Variants in CCPG1 observed in about 807,000 individuals in gnomAD.
CCPG1 encodes cell cycle progression protein 1.
CCPG1 carries 46 observed loss-of-function variants against 81.3 expected under a neutral mutation model. That is an observed-to-expected ratio of 0.57 (90% confidence interval 0.45 to 0.72). The LOEUF (loss-of-function observed/expected upper bound fraction) is 0.72. Ranked by LOEUF, CCPG1 falls within the 30% of genes least tolerant of loss-of-function variation. CCPG1 has a pLI of 0.00. For synonymous variants in CCPG1, 330 were observed against 305.2 expected (o/e 1.08, Z -0.85); for missense variants, 902 against 937.6 (o/e 0.96, Z 0.50).
At chr15:55,361,333 A>C (rs184650099) in intron 7 of CCPG1, among the ~76,000 whole-genome samples, 197 of 152,058 alleles carry the variant, frequency 1.3e-3, no homozygotes, top group African/African-American at 4.5e-3. Context: ...GGCTGGAAGA[A>C]TTTAAAAGAC....
At chr15:55,366,468 T>C (rs2141256011) in intron 6 of CCPG1, among the ~76,000 whole-genome samples, 1 of 152,254 alleles carries the variant, frequency 6.6e-6, no homozygotes. Context: ...ACTGTCCTTA[T>C]CCCAACAGTG....
At chr15:55,374,870 G>C (rs1306296254) in intron 5 of CCPG1, among the ~76,000 whole-genome samples, 2 of 152,054 alleles carry the variant, frequency 1.3e-5, no homozygotes, top group African/African-American at 2.4e-5. Flanking sequence ...TTGCCGTGTT[G>C]GTCAGGCTGG....
At chr15:55,406,828 G>A (rs2057234643) in intron 1 of CCPG1, among the ~76,000 whole-genome samples, 1 of 152,132 alleles carries the variant, frequency 6.6e-6, no homozygotes, top group South Asian at 2.1e-4. Flanking sequence ...TTTCATCTAA[G>A]AAGGAGTATT....
At chr15:55,373,340 T>A (rs923079782) in intron 5 of CCPG1, among the ~76,000 whole-genome samples, 2 of 152,130 alleles carry the variant, frequency 1.3e-5, no homozygotes, top group African/African-American at 4.8e-5. Context: ...ACAACAAACA[T>A]TCATGCTCCA....
chr15:55,358,536 C>T, intron 8 of CCPG1: 1 of 985,444 alleles, frequency 1.0e-6, no homozygotes, highest in Non-Finnish European at 1.2e-6. Flanking sequence ...TTCACATCTC[C>T]AAATGACCTT....
intron 2 of CCPG1, 96 bp from the exon 3 acceptor site, chr15:55,385,810 C>G (rs2056787549): frequency 1.4e-6 from 1 of 713,502 alleles, no homozygotes; most frequent in Non-Finnish European, 2.6e-6. Flanking sequence ...TTAAAAGTCT[C>G]AGATGCTGCC....
chr15:55,380,771 T>A (rs2056672375), intron 3 of CCPG1, among the ~76,000 whole-genome samples: 1 of 151,738 alleles, frequency 6.6e-6, no homozygotes, highest in African/African-American at 2.4e-5. Context: ...TCCCAGCACT[T>A]TGAGCGGCTG....
At position 55,389,574 on chromosome 15, in the gene CCPG1, C is replaced by T. The variant is rs530246299; in HGVS notation, c.-9-141G>A. 20 of 661,138 alleles carry T rather than the reference C, an allele frequency of 3.0e-5. No homozygotes were observed. In the African/African-American group the frequency reaches 3.3e-4, roughly 11 times the overall value. The allele number at this position is 661,138 out of a possible 1,614,324, so 41.0% of individuals were successfully genotyped here. On this transcript the variant is annotated intron_variant, in intron 1 of 8. Transcript: ENST00000442196. Reference sequence around the variant, plus strand: ...ACAAGCCACCCATAGATTTACCATACAGAACATGACAGGACTGCATACCTG... The same window carrying T: ...ACAAGCCACCCATAGATTTACCATATAGAACATGACAGGACTGCATACCTG...
In CCPG1 at chr15:55,360,754, T is replaced by C. The variant is rs1481227870; in HGVS notation, c.1019A>G (p.Asp340Gly). ...KLREQIRILE[D>G]KGTSTELVKE... is the part of the protein sequence containing the mutation. ...AACTAATTCAGTACTTGTCCCTTTA[T>C]CTTCCAATATTCTAATCTGTTCTCT... The change falls in exon 8 of 9, where the codon GAT becomes GGT. Residue 340 changes from aspartate (D) to glycine (G), a missense_variant. Coordinates refer to ENST00000442196, the MANE Select transcript of CCPG1 (RefSeq NM_001204450.2). The C allele has an allele frequency of 1.9e-6, 3 of 1,611,646 alleles. No individual in the cohort carries two copies. Among genetic ancestry groups the C allele is most frequent in the Non-Finnish European group, 2.5e-6 (3 of 1,179,468 alleles).
intron 1 of CCPG1, among the ~76,000 whole-genome samples, chr15:55,391,897 G>GGC (rs967534148): frequency 3.1e-5 from 4 of 130,404 alleles, no homozygotes; most frequent in South Asian, 3.0e-4. Flanking sequence ...AGGGGGGGGG[G>GGC]GGCTAGGTGT....
At chr15:55,357,499 C>T in intron 8 of CCPG1, 3 of 896,772 alleles carry the variant, frequency 3.3e-6, no homozygotes, top group East Asian at 1.2e-4. Context: ...TTGAGGTTTC[C>T]GTTACCTGTG....
At chr15:55,389,880 T>C (rs567442273) in intron 1 of CCPG1, among the ~76,000 whole-genome samples, 4 of 152,366 alleles carry the variant, frequency 2.6e-5, no homozygotes, top group African/African-American at 9.6e-5. Context: ...ATGAAGTCTG[T>C]ATGTTGGCAA....
rs2056997623 is a variant in CCPG1 at position 55,395,406 on chromosome 15, A to G, written c.-9-5973T>C. Among the ~76,000 whole-genome samples the G allele has an allele frequency of 2.0e-5, 3 of 152,156 alleles. No homozygotes were observed. In the South Asian group the frequency reaches 6.2e-4, roughly 32 times the overall value. ...CTAGAGATCTTCAAATGATAATCTC[A>G]TTATGTAATTCCTTTAAAATGTTAA... On this transcript the variant is annotated intron_variant, in intron 1 of 8. Coordinates refer to ENST00000442196, the MANE Select transcript of CCPG1 (RefSeq NM_001204450.2).
intron 2 of CCPG1, among the ~76,000 whole-genome samples, chr15:55,386,124 T>G (rs2056793366): frequency 6.7e-6 from 1 of 149,656 alleles, no homozygotes; most frequent in East Asian, 2.0e-4. Flanking sequence ...GCACGGTGGC[T>G]CACGCCTGTA....
intron 8 of CCPG1, chr15:55,357,313 C>G (rs567359413): frequency 2.0e-6 from 2 of 984,728 alleles, no homozygotes; most frequent in Admixed American, 1.2e-4. Context: ...ATCAATGTTA[C>G]TATTTTCCAA....
intron 2 of CCPG1, among the ~76,000 whole-genome samples, chr15:55,388,972 G>A (rs988714845): frequency 1.4e-5 from 2 of 143,430 alleles, no homozygotes; most frequent in Non-Finnish European, 3.0e-5. Flanking sequence ...GGAGGCTGAG[G>A]CAGGAGAATC....
rs139931110 is a variant in CCPG1, at chr15:55,393,088, G to T, written c.-9-3655C>A. On this transcript the variant is annotated intron_variant, in intron 1 of 8. Transcript: ENST00000442196. ...CATTGCACTCCAGCCTGGGCAACAA[G>T]AGGGAAACTCCGTCTCAAAATAAAT... Among the ~76,000 whole-genome samples, 287 of 151,520 alleles carry T rather than the reference G, an allele frequency of 1.9e-3. 1 individual carries two copies. Among genetic ancestry groups the T allele is most frequent in the Middle Eastern group, 3.4e-3 (1 of 290 alleles).
At chr15:55,376,334 C>T (rs549068300) in intron 5 of CCPG1, among the ~76,000 whole-genome samples, 1 of 152,288 alleles carries the variant, frequency 6.6e-6, no homozygotes, top group South Asian at 2.1e-4. Context: ...GCAACTCACA[C>T]TTTAATCTCT....
At chr15:55,391,890 G>T (rs1171313232) in intron 1 of CCPG1, among the ~76,000 whole-genome samples, 1 of 114,252 alleles carries the variant, frequency 8.8e-6, no homozygotes, top group Admixed American at 8.8e-5. Flanking sequence ...AAAAAAAAGG[G>T]GGGGGGGGGC....
Sources: gnomAD v4.1 joint callset for allele counts (sites outside exome capture counted in the v4.1 genomes callset) on GRCh38, gnomAD v4.1.1 for gene constraint, MANE v1.5 for transcripts, NCBI Gene and HGNC (gene_info 2026-07-23, HGNC 2026-07-21) for gene names.